CASP1: variants seen among roughly 807,000 people sequenced by gnomAD.
CASP1 encodes the protein caspase 1, also known as caspase-1.
CASP1 carries 31 observed loss-of-function variants against 41.2 expected under a neutral mutation model. That is an observed-to-expected ratio of 0.75 (90% CI 0.57 to 1.02). The LOEUF is 1.02. Ranked by LOEUF, CASP1 falls within the 50% of genes least tolerant of loss-of-function variation. The pLI is 0.00. For synonymous variants in CASP1, 163 were observed against 166.5 expected (o/e 0.98, Z 0.16); for missense variants, 490 against 495.7 (o/e 0.99, Z 0.11).
At position 105,029,738 on chromosome 11, in the gene CASP1, G is replaced by A; in HGVS notation, c.789C>T (p.Asn263=). The A allele has an allele frequency of 6.2e-7, 1 of 1,613,664 alleles. No individual in the cohort carries two copies. The highest frequency in any genetic ancestry group is 8.5e-7 in the Non-Finnish European group (1 of 1,179,698). ...TTGGGCAGTTCTTGGTATTCAACAT[G>A]TTAAAGATTGCATTGAGTTGTAGTA... ...PDILQLNAIF[N]MLNTKNCPSL... is the part of the protein sequence containing the mutation. The change falls in exon 6 of 9, where the codon AAC becomes AAT. Residue 263 remains asparagine, a synonymous_variant. Coordinates refer to ENST00000533400, the MANE Select transcript of CASP1 (RefSeq NM_001257118.3).
At chr11:105,029,633 T>C in intron 6 of CASP1, 32 bp downstream of exon 6, 3 of 1,482,484 alleles carry the variant, frequency 2.0e-6, no homozygotes, top group Non-Finnish European at 2.8e-6. Flanking sequence ...AGTATTTGAT[T>C]GTCTGGTGTT....
rs754542264 is a variant in CASP1, at chr11:105,030,354, A to G, written c.603T>C (p.Asp201=). The change falls in exon 5 of 9, where the codon GAT becomes GAC. Residue 201 remains aspartate (D), a synonymous_variant. Coordinates refer to ENST00000533400, the MANE Select transcript of CASP1 (RefSeq NM_001257118.3). ...MLLQNLGYSV[D]VKKNLTASDM... is the part of the protein sequence containing the mutation. Reference sequence around the variant, plus strand: ...CCGAAGCAGTGAGATTTTTTTTCACATCTACGCTGTACCCCAGATTTTGTA... The same window carrying G: ...CCGAAGCAGTGAGATTTTTTTTCACGTCTACGCTGTACCCCAGATTTTGTA... 1 of 1,612,610 alleles carries G rather than the reference A, an allele frequency of 6.2e-7. No homozygotes were observed. The highest frequency in any genetic ancestry group is 1.7e-5 in the Admixed American group (1 of 59,748).
intron 3 of CASP1, among the ~76,000 whole-genome samples, chr11:105,032,768 T>A (rs1295344027): frequency 6.6e-6 from 1 of 152,164 alleles, no homozygotes; most frequent in Admixed American, 6.5e-5. Flanking sequence ...TGGGAAAGTT[T>A]AGAATAAGGT....
At chr11:105,029,973 ATACT>A (rs1372819184) in intron 5 of CASP1, 74 bp from the exon 6 acceptor site, 7 of 1,127,932 alleles carry the variant, frequency 6.2e-6, no homozygotes, top group African/African-American at 1.5e-5. Context: ...CAATAAATAA[ATACT>A]TAAGGAGTTT....
chr11:105,030,955 A>T (rs1863653751), intron 4 of CASP1: 2 of 513,332 alleles, frequency 3.9e-6, no homozygotes, highest in Non-Finnish European at 7.1e-6. Context: ...GTCATCACTG[A>T]TGTTATTTAC....
chr11:105,035,616 C>CTTTTTTTTTTTTTTTTTTTTTTTTTTT (rs770202897), upstream of CASP1, among the ~76,000 whole-genome samples: 2 of 52,068 alleles, frequency 3.8e-5, no homozygotes, highest in African/African-American at 5.0e-5. Context: ...TTTTTTCTTT[C>CTTTTTTTTTTTTTTTTTTTTTTTTTTT]TGTTTTTTTT....
At chr11:105,030,824 T>A (rs1863646014) in intron 4 of CASP1, 1 of 359,270 alleles carries the variant, frequency 2.8e-6, no homozygotes, top group African/African-American at 2.1e-5. Context: ...GGAAAAATAT[T>A]TAACAATCCC....
chr11:105,035,616 C>CTTTTTTTTTT (rs770202897), upstream of CASP1, among the ~76,000 whole-genome samples: 407 of 51,914 alleles, frequency 7.8e-3, 6 homozygotes, highest in Middle Eastern at 0.012. Context: ...TTTTTTCTTT[C>CTTTTTTTTTT]TGTTTTTTTT....
chr11:105,036,050 G>C (rs963578334), upstream of CASP1, among the ~76,000 whole-genome samples: 2 of 152,078 alleles, frequency 1.3e-5, no homozygotes, highest in African/African-American at 4.8e-5. Flanking sequence ...TGGTTCCTCT[G>C]TATGTGAAAT....
chr11:105,028,754 A>G (rs1863480489), intron 7 of CASP1, among the ~76,000 whole-genome samples: 1 of 152,116 alleles, frequency 6.6e-6, no homozygotes, highest in Admixed American at 6.6e-5. Flanking sequence ...TCTGCTTTTC[A>G]GAATCTTGCT....
Position 105,026,823 on chromosome 11 carries a change from G to C in CASP1, c.1116+19C>G, listed in dbSNP as rs1591190722. 1 of 1,212,060 alleles carries C rather than the reference G, an allele frequency of 8.3e-7. No homozygotes were observed. Among genetic ancestry groups the C allele is most frequent in the Non-Finnish European group, 1.2e-6 (1 of 813,730 alleles). The allele number at this position is 1,212,060 out of a possible 1,614,324, so 75.1% of individuals were successfully genotyped here. On this transcript the variant is annotated intron_variant, in intron 8 of 8. Coordinates refer to ENST00000533400, the MANE Select transcript of CASP1 (RefSeq NM_001257118.3). ...CATTCAGGGAAGTAGAGTGAAAATAGCATCCACTAGCATCTTACCTTGCGG... is the reference window on the plus strand; with the variant it reads ...CATTCAGGGAAGTAGAGTGAAAATACCATCCACTAGCATCTTACCTTGCGG...
intron 7 of CASP1, 69 bp from the exon 8 acceptor site, chr11:105,027,020 T>G (rs1415278449): frequency 3.4e-6 from 3 of 876,166 alleles, no homozygotes; most frequent in African/African-American, 3.3e-5. Flanking sequence ...AACCCTAGTA[T>G]TTATACTCCA....
intron 7 of CASP1, among the ~76,000 whole-genome samples, chr11:105,028,827 T>A (rs1195298020): frequency 6.6e-6 from 1 of 152,162 alleles, no homozygotes; most frequent in East Asian, 1.9e-4. Flanking sequence ...GATCTCAACA[T>A]GGCAGAATTT....
intron 3 of CASP1, 69 bp downstream of exon 3, chr11:105,032,995 T>C: frequency 1.0e-6 from 1 of 966,902 alleles, no homozygotes; most frequent in Non-Finnish European, 1.7e-6. Context: ...TACCCACGTT[T>C]GATCCTACAA....
Position 105,031,256 on chromosome 11 carries a change from G to T in CASP1, c.362C>A (p.Pro121Gln). The change falls in exon 4 of 9, where the codon CCA becomes CAA. Residue 121 changes from proline to glutamine, a missense_variant. Pro to Gln is a moderately conservative substitution (Grantham distance 76). Coordinates refer to ENST00000533400, the MANE Select transcript of CASP1 (RefSeq NM_001257118.3). ...FPAPQAVQDN[P>Q]AMPTSSGSEG... ...TGAGCCTGAGGATGTGGGCATAGCT[G>T]GGTTGTCCTGCACTGCCTGAGGAGC... is the stretch of plus-strand genomic sequence containing the variant. 1.2e-6 allele frequency: 2 copies of T among 1,610,988 alleles called. No individual in the cohort carries two copies. Among genetic ancestry groups the T allele is most frequent in the Non-Finnish European group, 8.5e-7 (1 of 1,177,422 alleles).
chr11:105,028,919 A>G (rs552652786), intron 7 of CASP1, among the ~76,000 whole-genome samples: 1 of 152,292 alleles, frequency 6.6e-6, no homozygotes, highest in African/African-American at 2.4e-5. Context: ...AGTTCCAAAA[A>G]TATTTTGAAA....
At position 105,030,311 on chromosome 11, in the gene CASP1, G is replaced by A; in HGVS notation, c.627+19C>T. On this transcript the variant is annotated intron_variant, in intron 5 of 8. Transcript: ENST00000533400. ...TACGAAGGGCATAACCATTGTTTCT[G>A]TTGTATAATAGAACTTACCGAAGCA... The A allele has an allele frequency of 6.3e-7, 1 of 1,594,632 alleles. No individual in the cohort carries two copies. Among genetic ancestry groups the A allele is most frequent in the Non-Finnish European group, 8.6e-7 (1 of 1,167,384 alleles).
At chr11:105,035,014 T>C (rs1156943067) in intron 1 of CASP1, 93 bp downstream of exon 1, 1 of 1,536,548 alleles carries the variant, frequency 6.5e-7, no homozygotes, top group Non-Finnish European at 9.0e-7. Context: ...CAAGTAAACT[T>C]CCACAGATGC....
At chr11:105,034,968 C>G in intron 1 of CASP1, 139 bp downstream of exon 1, 2 of 1,108,372 alleles carry the variant, frequency 1.8e-6, no homozygotes, top group Non-Finnish European at 2.7e-6. Flanking sequence ...CTAGTTCCTT[C>G]TCTCCTCCCT....
Sources: allele counts gnomAD v4.1 joint callset (sites outside exome capture counted in the v4.1 genomes callset), GRCh38; gene constraint gnomAD v4.1.1; transcripts MANE v1.5; gene names NCBI Gene and HGNC (gene_info 2026-07-23, HGNC 2026-07-21).